The following CCDC141 variants were observed in gnomAD, a reference collection of about 807,000 sequenced individuals.
CCDC141 encodes coiled-coil domain-containing protein 141.
In CCDC141, 168 loss-of-function variants were observed where a neutral mutation model predicts 181.0. That is an observed-to-expected ratio of 0.93 (90% CI 0.82 to 1.05). The LOEUF (loss-of-function observed/expected upper bound fraction) is 1.05. Among genes scored for constraint, CCDC141 ranks in the 50% least tolerant of loss-of-function variants. The pLI, the probability that CCDC141 is intolerant of heterozygous loss-of-function variation, is 0.00. For synonymous variants in CCDC141, 666 were observed against 642.3 expected, an observed-to-expected ratio of 1.04 and a Z score of -0.56; for missense variants, 1,902 against 1,788.5, an observed-to-expected ratio of 1.06 and a Z score of -1.14.
intron 5 of CCDC141, among the ~76,000 whole-genome samples, chr2:178,945,137 T>C (rs769957720): frequency 3.9e-5 from 6 of 152,198 alleles, no homozygotes; most frequent in Admixed American, 3.3e-4. Context: ...ATCCAGAAAA[T>C]AGAGAGGTTA....
intron 2 of CCDC141, among the ~76,000 whole-genome samples, chr2:179,013,730 G>A (rs764038572): frequency 3.3e-5 from 5 of 151,946 alleles, no homozygotes; most frequent in African/African-American, 7.3e-5. Context: ...CACTTTGGGA[G>A]GCCGAGGCAG....
At position 178,848,134 on chromosome 2, in the gene CCDC141, G is replaced by A. The variant is rs148448137; in HGVS notation, c.3357+1915C>T. 1.7e-3 allele frequency among the ~76,000 whole-genome samples: 254 copies of A among 152,348 alleles called. 3 individuals are homozygous for A. The highest frequency in any genetic ancestry group is 5.6e-3 in the African/African-American group (231 of 41,584). ...TATAGCTAAGGAAGGATTTATGGAG[G>A]AGGCAGCATTTGGGTTTGGCTCTGA... On this transcript the variant is annotated intron_variant, in intron 21 of 23. Transcript: ENST00000443758.
At chr2:178,852,610 G>C (rs1474156647) in intron 20 of CCDC141, among the ~76,000 whole-genome samples, 2 of 152,126 alleles carry the variant, frequency 1.3e-5, no homozygotes, top group African/African-American at 4.8e-5. Context: ...GCTCTCCATG[G>C]ATAGTGTTTC....
intron 22 of CCDC141, among the ~76,000 whole-genome samples, chr2:178,842,345 G>T (rs1211365764): frequency 6.6e-6 from 1 of 151,988 alleles, no homozygotes; most frequent in Non-Finnish European, 1.5e-5. Context: ...TTCTCTAATT[G>T]TCTCTATATT....
chr2:178,923,109 CT>C (rs1364126682), intron 6 of CCDC141, among the ~76,000 whole-genome samples: 36 of 125,160 alleles, frequency 2.9e-4, no homozygotes, highest in Admixed American at 4.9e-4. Context: ...TTTTTTTTTT[CT>C]TTTTTTTTTT....
chr2:178,976,277 G>A (rs1435687613), intron 3 of CCDC141, among the ~76,000 whole-genome samples: 1 of 152,072 alleles, frequency 6.6e-6, no homozygotes, highest in Non-Finnish European at 1.5e-5. Context: ...AACTAATTAA[G>A]GAAAAGTATC....
intron 8 of CCDC141, among the ~76,000 whole-genome samples, chr2:178,902,839 AT>A (rs950121602): frequency 4.0e-5 from 6 of 149,474 alleles, no homozygotes; most frequent in Non-Finnish European, 5.9e-5. Context: ...ATGGGAGAAA[AT>A]TTTCGCAACC....
intron 2 of CCDC141, among the ~76,000 whole-genome samples, chr2:179,018,201 G>A (rs948366204): frequency 6.6e-6 from 1 of 152,056 alleles, no homozygotes; most frequent in Non-Finnish European, 1.5e-5. Flanking sequence ...CACAAAAAAG[G>A]ATTATGGACT....
At chr2:178,861,040 T>C (rs556362683) in intron 17 of CCDC141, among the ~76,000 whole-genome samples, 2 of 152,318 alleles carry the variant, frequency 1.3e-5, no homozygotes, top group East Asian at 3.9e-4. Flanking sequence ...AATTGTAATC[T>C]TTCTTATCCT....
At position 179,034,165 on chromosome 2, in the gene CCDC141, A is replaced by G. The variant is rs139091788; in HGVS notation, c.225+13119T>C. ...ACACCATGGAATACTATGCAGCAAT[A>G]AAAAAGAATGAGATAATGTCCTTTG... On this transcript the variant is annotated intron_variant, in intron 2 of 23. Coordinates refer to ENST00000443758, the MANE Select transcript of CCDC141 (RefSeq NM_173648.4). 6.1e-3 allele frequency among the ~76,000 whole-genome samples: 924 copies of G among 152,320 alleles called. 4 individuals carry two copies. Among genetic ancestry groups the G allele is most frequent in the Non-Finnish European group, 7.0e-3 (477 of 68,034 alleles).
intron 2 of CCDC141, among the ~76,000 whole-genome samples, chr2:179,027,365 C>A (rs938764403): frequency 6.6e-6 from 1 of 152,108 alleles, no homozygotes; most frequent in Admixed American, 6.6e-5. Context: ...GAGTTTCCGG[C>A]CAGGCATGGT....
At chr2:178,913,542 G>A (rs1245146937) in intron 7 of CCDC141, among the ~76,000 whole-genome samples, 1 of 151,906 alleles carries the variant, frequency 6.6e-6, no homozygotes, top group Non-Finnish European at 1.5e-5. Flanking sequence ...AATGAAAAAA[G>A]TATACAAATT....
At chr2:178,975,405 T>C (rs138734894) in intron 3 of CCDC141, among the ~76,000 whole-genome samples, 3 of 152,254 alleles carry the variant, frequency 2.0e-5, no homozygotes, top group African/African-American at 4.8e-5. Flanking sequence ...TCTCCTTTCA[T>C]ACCTAATTAT....
Position 178,834,370 on chromosome 2 carries a change from C to T in CCDC141, c.4396G>A (p.Val1466Met), listed in dbSNP as rs1250247342. ...GCCTTGCATACCTTTGGAATGAACA[C>T]CGAATGCCTTGTCTCCTTGTGTAAA... Reference protein sequence around the residue: ...QVLHKETRHSVFIPKVCKADA... With the variant: ...QVLHKETRHSMFIPKVCKADA... Residue 1466 changes from valine (V) to methionine (M), a missense_variant, in exon 24 of 24, where the codon GTG becomes ATG. By Grantham distance (21) the Val-to-Met change is conservative. Coordinates refer to ENST00000443758, the MANE Select transcript of CCDC141 (RefSeq NM_173648.4). The T allele has an allele frequency of 1.6e-5, 25 of 1,536,224 alleles. No individual in the cohort carries two copies. Among genetic ancestry groups the T allele is most frequent in the Non-Finnish European group, 2.1e-5 (24 of 1,146,902 alleles).
intron 22 of CCDC141, among the ~76,000 whole-genome samples, chr2:178,843,494 A>T (rs1350047523): frequency 1.3e-5 from 2 of 152,216 alleles, no homozygotes; most frequent in Non-Finnish European, 2.9e-5. Context: ...ATAAAACACC[A>T]TCACTAATCT....
intron 6 of CCDC141, among the ~76,000 whole-genome samples, chr2:178,926,053 A>G (rs1261953737): frequency 6.6e-6 from 1 of 152,022 alleles, no homozygotes; most frequent in African/African-American, 2.4e-5. Flanking sequence ...CTTAAATCTG[A>G]TTGGCTGTTA....
chr2:178,818,478 T>C, the CCDC141 span, among the ~76,000 whole-genome samples: 3 of 152,144 alleles, frequency 2.0e-5, no homozygotes, highest in African/African-American at 4.8e-5. Flanking sequence ...CCTCCCTGTG[T>C]CCATCTGTTC....
chr2:178,967,576 A>G (rs1326081862), intron 4 of CCDC141, among the ~76,000 whole-genome samples: 1 of 152,202 alleles, frequency 6.6e-6, no homozygotes, highest in Admixed American at 6.5e-5. Context: ...GCCTTACAAG[A>G]GCTCCTGAAG....
chr2:179,045,962 A>G (rs2043484157), intron 2 of CCDC141, among the ~76,000 whole-genome samples: 2 of 152,108 alleles, frequency 1.3e-5, no homozygotes, highest in South Asian at 4.1e-4. Context: ...TCTTTGTACT[A>G]ATTCTTTCTT....
Sources: gnomAD v4.1 joint callset for allele counts (sites outside exome capture counted in the v4.1 genomes callset) on GRCh38, gnomAD v4.1.1 for gene constraint, MANE v1.5 for transcripts, NCBI Gene and HGNC (gene_info 2026-07-23, HGNC 2026-07-21) for gene names.